The following PCDH15 variants were observed in gnomAD, a reference collection of about 807,000 sequenced individuals.
The protein encoded by PCDH15 is protocadherin-15.
Under a neutral mutation model 178.5 loss-of-function variants are expected in PCDH15, and 129 were observed. The observed-to-expected ratio is 0.72, with a 90% CI of 0.63 to 0.84. PCDH15 has a LOEUF of 0.84. Ranked by LOEUF, PCDH15 falls within the 40% of genes least tolerant of loss-of-function variation. The pLI is 0.00. For synonymous variants in PCDH15, 800 were observed against 732.0 expected (o/e 1.09, Z -1.50); for missense variants, 2,230 against 2,099.9 (o/e 1.06, Z -1.21).
intron 2 of PCDH15, chr10:55,599,638 G>C: frequency 4.2e-6 from 1 of 238,748 alleles, no homozygotes; most frequent in Non-Finnish European, 8.0e-6. Flanking sequence ...TCCACTGACA[G>C]TTAACAACCT....
chr10:55,194,910 T>C (rs1840043263), intron 1 of PCDH15, among the ~76,000 whole-genome samples: 1 of 152,114 alleles, frequency 6.6e-6, no homozygotes, highest in African/African-American at 2.4e-5. Flanking sequence ...ATTCAACATA[T>C]GTTAAAAATG....
chr10:54,757,618 A>G (rs1427326588), intron 1 of PCDH15, among the ~76,000 whole-genome samples: 1 of 152,162 alleles, frequency 6.6e-6, no homozygotes, highest in Admixed American at 6.5e-5. Flanking sequence ...CCTTTAGAAA[A>G]CTACTTCATT....
Position 54,607,709 on chromosome 10 carries a change from TTAA to T in PCDH15, c.91+56460_91+56462del, listed in dbSNP as rs545057682. ...TGGAGATTTTAAAATTTATATTATC[TTAA>T]TATATTTATTAGAAAAAATATTAGA... On this transcript the variant is annotated intron_variant, in intron 2 of 37. Transcript: ENST00000644397. Among the ~76,000 whole-genome samples, 110 of 152,014 alleles carry T rather than the reference TTAA, an allele frequency of 7.2e-4. 1 individual carries two copies. Among genetic ancestry groups the T allele is most frequent in the Middle Eastern group, 6.8e-3 (2 of 292 alleles).
In PCDH15 at chr10:55,382,131, A is replaced by T. The variant is rs146709836; in HGVS notation, c.-155-215480T>A. On this transcript the variant is annotated intron_variant, in intron 2 of 5. Coordinates refer to the PCDH15 transcript ENST00000613346. ...TTTTGAAACACTGGATATACAAAAA[A>T]TTCCTAATTGATACTAGCCACAAAT... Among the ~76,000 whole-genome samples, 503 of 152,292 alleles carry T rather than the reference A, an allele frequency of 3.3e-3. 2 individuals are homozygous for T. The highest frequency in any genetic ancestry group is 9.8e-3 in the African/African-American group (407 of 41,554).
At chr10:55,147,913 C>T (rs1591942104) in intron 2 of PCDH15, among the ~76,000 whole-genome samples, 1 of 151,658 alleles carries the variant, frequency 6.6e-6, no homozygotes, top group African/African-American at 2.4e-5. Flanking sequence ...ATTAGATTTT[C>T]ATATTTCATT....
intron 2 of PCDH15, among the ~76,000 whole-genome samples, chr10:55,449,667 A>G (rs146870488): frequency 5.3e-5 from 8 of 152,310 alleles, no homozygotes; most frequent in African/African-American, 1.4e-4. Flanking sequence ...AGATTTTTAT[A>G]TTAATCTTAA....
intron 29 of PCDH15, among the ~76,000 whole-genome samples, chr10:53,838,943 A>T (rs970165141): frequency 2.6e-5 from 4 of 151,980 alleles, no homozygotes; most frequent in Admixed American, 2.6e-4. Flanking sequence ...GGTGGCTCAC[A>T]CCTGTAATCC....
At chr10:54,419,136 A>ACTATT (rs1554962254) in intron 3 of PCDH15, among the ~76,000 whole-genome samples, 1 of 151,754 alleles carries the variant, frequency 6.6e-6, no homozygotes, top group African/African-American at 2.4e-5. Context: ...CTTATAATAT[A>ACTATT]TTGTTAGAAT....
chr10:54,597,378 CA>C (rs2092293454), intron 2 of PCDH15, among the ~76,000 whole-genome samples: 1 of 151,966 alleles, frequency 6.6e-6, no homozygotes, highest in South Asian at 2.1e-4. Flanking sequence ...AGGCAGAAAT[CA>C]AGAAGTATTT....
intron 26 of PCDH15, among the ~76,000 whole-genome samples, chr10:53,867,465 T>C (rs1398763893): frequency 3.9e-5 from 6 of 152,172 alleles, no homozygotes. Flanking sequence ...CTATGCATTA[T>C]ACATATAGAA....
chr10:54,343,042 C>A (rs1040487552), intron 6 of PCDH15, among the ~76,000 whole-genome samples: 4 of 152,124 alleles, frequency 2.6e-5, no homozygotes, highest in African/African-American at 7.2e-5. Flanking sequence ...AAACTTTGAA[C>A]TTGGACTTTT....
chr10:54,364,688 T>C (rs1016792635), intron 5 of PCDH15, among the ~76,000 whole-genome samples: 1 of 152,184 alleles, frequency 6.6e-6, no homozygotes, highest in East Asian at 1.9e-4. Flanking sequence ...ATAAAAATTA[T>C]CATAAATTTT....
chr10:55,590,234 G>A (rs1213372984), intron 2 of PCDH15, among the ~76,000 whole-genome samples: 3 of 148,474 alleles, frequency 2.0e-5, no homozygotes, highest in African/African-American at 7.4e-5. Context: ...AACACCGCAT[G>A]TTCTCACTCA....
At chr10:55,224,782 T>TC (rs1428623410) in intron 1 of PCDH15, among the ~76,000 whole-genome samples, 1 of 152,060 alleles carries the variant, frequency 6.6e-6, no homozygotes, top group Admixed American at 6.5e-5. Flanking sequence ...ATAACTCCTG[T>TC]CCTCCAACTT....
chr10:53,892,278 G>T (rs868564326), intron 26 of PCDH15, among the ~76,000 whole-genome samples: 1 of 152,034 alleles, frequency 6.6e-6, no homozygotes, highest in Middle Eastern at 3.4e-3. Context: ...ACCCGCCCCG[G>T]CCTCCCAAAG....
chr10:54,966,565 G>C (rs1309322641), intron 2 of PCDH15, among the ~76,000 whole-genome samples: 2 of 152,102 alleles, frequency 1.3e-5, no homozygotes, highest in African/African-American at 4.8e-5. Context: ...TGGTTTGGCT[G>C]TGTACCCACC....
chr10:54,981,798 C>G (rs564621268), intron 2 of PCDH15, among the ~76,000 whole-genome samples: 93 of 152,076 alleles, frequency 6.1e-4, no homozygotes, highest in African/African-American at 2.2e-3. Context: ...AATTTTGAGA[C>G]AAGGTCTCAT....
chr10:55,479,237 C>A (rs1840124577), intron 2 of PCDH15, among the ~76,000 whole-genome samples: 1 of 151,444 alleles, frequency 6.6e-6, no homozygotes, highest in African/African-American at 2.4e-5. Flanking sequence ...ATGTAAAATT[C>A]CTCAACAAAA....
chr10:54,002,206 T>C (rs566261109), intron 20 of PCDH15, among the ~76,000 whole-genome samples: 39 of 152,008 alleles, frequency 2.6e-4, no homozygotes, highest in Non-Finnish European at 4.0e-4. Flanking sequence ...GCGAATATTA[T>C]TAAAGCTAAA....
Sources: gnomAD v4.1 joint callset for allele counts (sites outside exome capture counted in the v4.1 genomes callset) on GRCh38, gnomAD v4.1.1 for gene constraint, MANE v1.5 for transcripts, NCBI Gene and HGNC (gene_info 2026-07-23, HGNC 2026-07-21) for gene names.